The following TMEM117 variants were observed in gnomAD, a reference collection of about 807,000 sequenced individuals.
The protein encoded by TMEM117 is transmembrane protein 117.
In TMEM117, 27 loss-of-function variants were observed where a neutral mutation model predicts 52.4. That is an observed-to-expected ratio of 0.51 (90% CI 0.38 to 0.71). The LOEUF is 0.71. Among genes scored for constraint, TMEM117 ranks in the 30% least tolerant of loss-of-function variants. The probability of loss-of-function intolerance (pLI) is 0.00; values close to 1 mark genes in which losing one functional copy is unlikely to be tolerated. For missense variants in TMEM117, 556 were observed against 630.5 expected (o/e 0.88, Z 1.26); for synonymous variants, 215 against 206.3 (o/e 1.04, Z -0.36).
intron 4 of TMEM117, among the ~76,000 whole-genome samples, chr12:44,152,712 C>A (rs1184283866): frequency 1.6e-5 from 2 of 125,870 alleles, no homozygotes; most frequent in East Asian, 2.3e-4. Flanking sequence ...TTTATATATA[C>A]TATATATAAT....
chr12:44,054,712 A>T (rs1277058163), intron 3 of TMEM117, among the ~76,000 whole-genome samples: 1 of 147,868 alleles, frequency 6.8e-6, no homozygotes, highest in Non-Finnish European at 1.5e-5. Flanking sequence ...TTTTTTTTTC[A>T]ATTTTTTTTT....
At chr12:44,276,313 T>C (rs895044272) in intron 5 of TMEM117, among the ~76,000 whole-genome samples, 2 of 152,166 alleles carry the variant, frequency 1.3e-5, no homozygotes, top group African/African-American at 4.8e-5. Flanking sequence ...TATTCAAGTT[T>C]TAAAAAGAAG....
chr12:43,865,551 G>T (rs1004297831), intron 2 of TMEM117, among the ~76,000 whole-genome samples: 4 of 151,936 alleles, frequency 2.6e-5, no homozygotes, highest in Non-Finnish European at 4.4e-5. Context: ...ACAAAAATTA[G>T]CCGGGCGTGG....
At chr12:44,030,808 A>G (rs1477460884) in intron 3 of TMEM117, among the ~76,000 whole-genome samples, 1 of 152,218 alleles carries the variant, frequency 6.6e-6, no homozygotes, top group Non-Finnish European at 1.5e-5. Flanking sequence ...AGGTTTAAGC[A>G]AGTTATAGAA....
At chr12:44,061,401 A>G (rs7965099) in intron 3 of TMEM117, among the ~76,000 whole-genome samples, 4,265 of 152,200 alleles carry the variant, frequency 0.028, 130 homozygotes, top group African/African-American at 0.075. Flanking sequence ...GGAAGCCAAA[A>G]ATTTTGCTCT....
chr12:43,904,445 T>TTA (rs1592348941), intron 2 of TMEM117, among the ~76,000 whole-genome samples: 1 of 152,222 alleles, frequency 6.6e-6, no homozygotes. Context: ...TAATATCTAT[T>TTA]TAAATTTTAA....
intron 2 of TMEM117, among the ~76,000 whole-genome samples, chr12:43,905,805 TG>T (rs1944376946): frequency 6.6e-6 from 1 of 152,222 alleles, no homozygotes; most frequent in South Asian, 2.1e-4. Context: ...CCTTATTTTC[TG>T]TTTCCTCCGT....
the TMEM117 span, among the ~76,000 whole-genome samples, chr12:43,819,989 T>C: frequency 6.6e-6 from 1 of 152,194 alleles, no homozygotes; most frequent in Non-Finnish European, 1.5e-5. Flanking sequence ...TGAATAAATA[T>C]GGTAAAATTA....
intron 2 of TMEM117, among the ~76,000 whole-genome samples, chr12:43,865,650 T>C (rs997908192): frequency 2.0e-5 from 3 of 150,882 alleles, no homozygotes; most frequent in Non-Finnish European, 2.9e-5. Flanking sequence ...TGAGCTGATA[T>C]CGCACCACTG....
At chr12:43,832,827 T>C (rs927526019), upstream of TMEM117, among the ~76,000 whole-genome samples, 26 of 152,302 alleles carry the variant, frequency 1.7e-4, no homozygotes, top group African/African-American at 5.5e-4. Context: ...CAAAGGTAAA[T>C]GTAGAGAGGG....
chr12:43,978,268 G>C (rs1222866131), intron 3 of TMEM117, among the ~76,000 whole-genome samples: 1 of 152,160 alleles, frequency 6.6e-6, no homozygotes, highest in East Asian at 1.9e-4. Flanking sequence ...AATAGGACGT[G>C]TATGTTGATC....
chr12:44,021,759 C>T (rs1438828403), intron 3 of TMEM117, among the ~76,000 whole-genome samples: 3 of 152,140 alleles, frequency 2.0e-5, no homozygotes, highest in Admixed American at 2.0e-4. Flanking sequence ...GCATGTAAGC[C>T]ACCTCTCCAA....
At chr12:43,876,880 AC>A (rs1264171301) in intron 2 of TMEM117, among the ~76,000 whole-genome samples, 3 of 151,948 alleles carry the variant, frequency 2.0e-5, no homozygotes, top group Admixed American at 6.6e-5. Context: ...TTCCCTCAAT[AC>A]CCCTCTCTTT....
intron 6 of TMEM117, among the ~76,000 whole-genome samples, chr12:44,304,423 C>G (rs1389732225): frequency 6.6e-6 from 1 of 152,170 alleles, no homozygotes; most frequent in African/African-American, 2.4e-5. Context: ...CTTGGCTAGT[C>G]CTTGTGCTGT....
the TMEM117 span, among the ~76,000 whole-genome samples, chr12:43,819,986 A>C: frequency 6.6e-6 from 1 of 152,234 alleles, no homozygotes; most frequent in African/African-American, 2.4e-5. Context: ...AGTTGAATAA[A>C]TATGGTAAAA....
chr12:44,358,012 T>C (rs962869246), intron 6 of TMEM117, among the ~76,000 whole-genome samples: 2 of 152,098 alleles, frequency 1.3e-5, no homozygotes, highest in Admixed American at 1.3e-4. Context: ...CAAAACCATG[T>C]CCTTTTCAGC....
rs578229113 is a variant in TMEM117 at position 44,114,807 on chromosome 12, A to G, written c.411-28718A>G. Among the ~76,000 whole-genome samples, 12 of 152,280 alleles carry G rather than the reference A, an allele frequency of 7.9e-5. No homozygotes were observed. In the South Asian group the frequency reaches 2.3e-3, roughly 29 times the overall value. ...ATTCTTCTGTGCGTTTAGCTAATAG[A>G]ACAAACATTACTGTTTCCTATAAAA... On this transcript the variant is annotated intron_variant, in intron 3 of 7. Transcript: ENST00000266534.
chr12:44,123,123 T>G (rs1651671065), intron 3 of TMEM117, among the ~76,000 whole-genome samples: 1 of 152,238 alleles, frequency 6.6e-6, no homozygotes, highest in African/African-American at 2.4e-5. Flanking sequence ...TGAGATAGTA[T>G]CTCATTGTGG....
At chr12:44,383,006 C>T (rs1465723192) in intron 7 of TMEM117, among the ~76,000 whole-genome samples, 2 of 152,234 alleles carry the variant, frequency 1.3e-5, no homozygotes, top group African/African-American at 4.8e-5. Context: ...CAGCAAATTG[C>T]ATATTTCTTT....
Sources: allele counts gnomAD v4.1 joint callset (sites outside exome capture counted in the v4.1 genomes callset), GRCh38; gene constraint gnomAD v4.1.1; transcripts MANE v1.5; gene names NCBI Gene and HGNC (gene_info 2026-07-23, HGNC 2026-07-21).